The following SNX14 variants were observed in gnomAD, a reference collection of about 807,000 sequenced individuals.
SNX14 encodes sorting nexin 14, also known as sorting nexin-14.
In SNX14, 93 loss-of-function variants were observed where a neutral mutation model predicts 133.8. The observed-to-expected ratio is 0.70, with a 90% confidence interval of 0.59 to 0.83. The LOEUF (loss-of-function observed/expected upper bound fraction) is 0.83. Ranked by LOEUF, SNX14 falls within the 40% of genes least tolerant of loss-of-function variation. SNX14 has a pLI of 0.00. For missense variants in SNX14, 945 were observed against 1,094.9 expected, an observed-to-expected ratio of 0.86 and a Z score of 1.93; for synonymous variants, 368 against 365.6, an observed-to-expected ratio of 1.01 and a Z score of -0.07.
chr6:85,518,869 C>T (rs1269591463), intron 21 of SNX14, among the ~76,000 whole-genome samples: 2 of 152,108 alleles, frequency 1.3e-5, no homozygotes, highest in East Asian at 3.8e-4. Flanking sequence ...GCTTTTCTGT[C>T]TTCTATGTGT....
intron 6 of SNX14, among the ~76,000 whole-genome samples, chr6:85,560,072 T>C (rs575555720): frequency 6.6e-6 from 1 of 152,106 alleles, no homozygotes; most frequent in African/African-American, 2.4e-5. Context: ...CTTTGGAAAA[T>C]AGTCTGGCAG....
intron 7 of SNX14, among the ~76,000 whole-genome samples, chr6:85,552,691 C>G (rs764557568): frequency 6.6e-5 from 10 of 152,166 alleles, no homozygotes; most frequent in Non-Finnish European, 1.3e-4. Flanking sequence ...AATTATTTTT[C>G]AGAAACCTGG....
intron 12 of SNX14, among the ~76,000 whole-genome samples, 156 bp downstream of exon 12, chr6:85,546,956 C>A: frequency 7.2e-6 from 1 of 139,656 alleles, no homozygotes; most frequent in Non-Finnish European, 1.5e-5. Flanking sequence ...AGTGAAATTC[C>A]GCCTCAAACA....
intron 23 of SNX14, among the ~76,000 whole-genome samples, chr6:85,516,048 C>T (rs1269001108): frequency 1.3e-5 from 2 of 152,136 alleles, no homozygotes; most frequent in African/African-American, 4.8e-5. Flanking sequence ...TGTATATTAA[C>T]TTGTACTCTC....
At position 85,548,289 on chromosome 6, in the gene SNX14, C is replaced by A; in HGVS notation, c.867+12G>T. 2 of 1,584,450 alleles carry A rather than the reference C, an allele frequency of 1.3e-6. No individual in the cohort carries two copies. The highest frequency in any genetic ancestry group is 1.7e-6 in the Non-Finnish European group (2 of 1,165,480). ...AATTTGTAACAATTTAAAAAAAAAT[C>A]TTAAGTCTTACTGGATCAGCTAGGA... On this transcript the variant is annotated intron_variant, in intron 9 of 28. Coordinates refer to ENST00000314673, the MANE Select transcript of SNX14 (RefSeq NM_153816.6).
In SNX14 at chr6:85,530,270, G is replaced by A; in HGVS notation, c.1816C>T (p.His606Tyr). ...VERNDRRAVG[H>Y]EPEHWSVYRR... ...TAGACAGACCAATGTTCAGGCTCGT[G>A]TCCAACTGTAAATTGAGTACACACA... is the stretch of plus-strand genomic sequence containing the variant. The change falls in exon 19 of 29, where the codon CAC (histidine) becomes TAC (tyrosine). Residue 606 changes from histidine to tyrosine, a missense_variant. His to Tyr is a moderately conservative substitution (Grantham distance 83, BLOSUM62 2). Coordinates refer to ENST00000314673, the MANE Select transcript of SNX14 (RefSeq NM_153816.6). The A allele has an allele frequency of 6.3e-7, 1 of 1,593,022 alleles. No homozygotes were observed. The highest frequency in any genetic ancestry group is 8.6e-7 in the Non-Finnish European group (1 of 1,168,600).
At chr6:85,563,390 ATTTG>A (rs1792462284) in intron 6 of SNX14, among the ~76,000 whole-genome samples, 1 of 152,010 alleles carries the variant, frequency 6.6e-6, no homozygotes, top group African/African-American at 2.4e-5. Flanking sequence ...CGAGAAAAAT[ATTTG>A]TTTTTTTGCT....
intron 1 of SNX14, among the ~76,000 whole-genome samples, chr6:85,582,966 C>G (rs745974681): frequency 6.6e-6 from 1 of 151,988 alleles, no homozygotes; most frequent in Non-Finnish European, 1.5e-5. Flanking sequence ...AGAGACACAA[C>G]AAAAAAAGAA....
intron 21 of SNX14, among the ~76,000 whole-genome samples, chr6:85,520,573 G>T (rs1397959865): frequency 6.6e-6 from 1 of 151,442 alleles, no homozygotes; most frequent in Non-Finnish European, 1.5e-5. Context: ...GCTCACACTG[G>T]TCTTGAACTT....
intron 12 of SNX14, 36 bp from the exon 13 acceptor site, chr6:85,543,796 T>G: frequency 7.8e-7 from 1 of 1,277,368 alleles, no homozygotes; most frequent in East Asian, 2.7e-5. Context: ...AAAAATAATT[T>G]TAATATATAA....
intron 8 of SNX14, 23 bp downstream of exon 8, chr6:85,549,700 T>G: frequency 1.3e-6 from 2 of 1,596,868 alleles, no homozygotes; most frequent in Non-Finnish European, 1.7e-6. Context: ...CAAATACTAT[T>G]ATATTGTCTA....
chr6:85,587,035 G>A (rs535995720), intron 1 of SNX14, among the ~76,000 whole-genome samples: 24 of 151,982 alleles, frequency 1.6e-4, no homozygotes, highest in African/African-American at 5.3e-4. Flanking sequence ...GACAAAGTGA[G>A]ACTCCATCTC....
At chr6:85,519,909 G>T (rs1468452034) in intron 21 of SNX14, among the ~76,000 whole-genome samples, 5 of 152,000 alleles carry the variant, frequency 3.3e-5, no homozygotes, top group African/African-American at 1.2e-4. Context: ...CTATGATTGT[G>T]CCACTGCACT....
At chr6:85,571,814 C>T (rs1795705081) in intron 4 of SNX14, among the ~76,000 whole-genome samples, 1 of 152,138 alleles carries the variant, frequency 6.6e-6, no homozygotes, top group Non-Finnish European at 1.5e-5. Flanking sequence ...TTGATTTGCT[C>T]CTTGCAGTCC....
chr6:85,521,565 A>G (rs1326063627), intron 21 of SNX14, among the ~76,000 whole-genome samples: 2 of 152,204 alleles, frequency 1.3e-5, no homozygotes, highest in African/African-American at 4.8e-5. Context: ...GTTGCAAAAC[A>G]TACAGGTAAA....
At chr6:85,559,962 T>C (rs1486159545) in intron 6 of SNX14, among the ~76,000 whole-genome samples, 2 of 152,100 alleles carry the variant, frequency 1.3e-5, no homozygotes, top group Admixed American at 6.6e-5. Flanking sequence ...TATACTAGGA[T>C]GGTTAGAATA....
intron 1 of SNX14, among the ~76,000 whole-genome samples, chr6:85,580,821 C>T (rs1798826235): frequency 6.6e-6 from 1 of 152,130 alleles, no homozygotes; most frequent in African/African-American, 2.4e-5. Context: ...TAGGTGCCAG[C>T]TCAGCCACAG....
intron 7 of SNX14, among the ~76,000 whole-genome samples, chr6:85,557,132 C>G (rs909456782): frequency 2.0e-5 from 3 of 152,186 alleles, no homozygotes; most frequent in African/African-American, 7.2e-5. Flanking sequence ...CGTGAAACCT[C>G]TTCTGGTCAT....
intron 21 of SNX14, 81 bp downstream of exon 21, chr6:85,526,045 C>T (rs1778381875): frequency 2.3e-6 from 2 of 880,724 alleles, no homozygotes; most frequent in African/African-American, 1.7e-5. Context: ...ATAGGCTATA[C>T]TATATATTTT....
Sources: gnomAD v4.1 joint callset for allele counts (sites outside exome capture counted in the v4.1 genomes callset) on GRCh38, gnomAD v4.1.1 for gene constraint, MANE v1.5 for transcripts, NCBI Gene and HGNC (gene_info 2026-07-23, HGNC 2026-07-21) for gene names.